Variants in PRKG2 observed in about 807,000 individuals in gnomAD.
PRKG2 encodes cGMP-dependent protein kinase 2.
In PRKG2, 33 loss-of-function variants were observed where a neutral mutation model predicts 97.2. That is an observed-to-expected ratio of 0.34 (90% CI 0.26 to 0.45). The LOEUF is 0.45. Ranked by LOEUF, PRKG2 falls within the 20% of genes least tolerant of loss-of-function variation. The pLI is 1.00. For missense variants in PRKG2, 638 were observed against 900.0 expected, an observed-to-expected ratio of 0.71 and a Z score of 3.73; for synonymous variants, 330 against 321.8, an observed-to-expected ratio of 1.03 and a Z score of -0.27.
chr4:81,162,940 G>T (rs1019852480), intron 6 of PRKG2, among the ~76,000 whole-genome samples: 1 of 152,110 alleles, frequency 6.6e-6, no homozygotes, highest in African/African-American at 2.4e-5. Context: ...GTGCTGTTAG[G>T]CTGTTCTTCA....
chr4:81,194,945 T>C (rs1752861412), intron 2 of PRKG2, among the ~76,000 whole-genome samples: 3 of 150,730 alleles, frequency 2.0e-5, no homozygotes, highest in African/African-American at 7.4e-5. Flanking sequence ...TACGCACCTA[T>C]AATCCATATG....
intron 11 of PRKG2, 61 bp from the exon 12 acceptor site, chr4:81,140,730 C>G (rs750735105): frequency 1.5e-5 from 21 of 1,427,794 alleles, no homozygotes; most frequent in Non-Finnish European, 1.9e-5. Context: ...ACACACTAAT[C>G]AATGAGAGTT....
Position 81,144,212 on chromosome 4 carries a change from G to A in PRKG2, c.1253+20C>T. The A allele has an allele frequency of 6.3e-7, 1 of 1,579,408 alleles. No individual in the cohort carries two copies. Among genetic ancestry groups the A allele is most frequent in the Non-Finnish European group, 8.7e-7 (1 of 1,149,292 alleles). On this transcript the variant is annotated intron_variant, in intron 10 of 18. Coordinates refer to ENST00000264399, the MANE Select transcript of PRKG2 (RefSeq NM_006259.3). The stretch of plus-strand genomic sequence containing the variant: ...CTGCCAGAAGTCAGCTCCGGCTCAG[G>A]AAAACATTCCTCCACTTACTTCGCA...
At chr4:81,175,539 C>T (rs1750847915) in intron 2 of PRKG2, 1 of 152,126 alleles carries the variant, frequency 6.6e-6, no homozygotes, top group Non-Finnish European at 1.5e-5. Flanking sequence ...CATTCCATCC[C>T]ATTGTCTCTT....
chr4:81,104,443 A>C lies in PRKG2; in HGVS notation c.2064-11T>G. 7.3e-7 allele frequency: 1 copy of C among 1,379,286 alleles called. No individual in the cohort carries two copies. Among genetic ancestry groups the C allele is most frequent in the Non-Finnish European group, 9.5e-7 (1 of 1,052,220 alleles). 85.4% of individuals were successfully genotyped at this position (1,379,286 alleles called of 1,614,324 possible). ...TCTGTTGGATTTTGCCTAAAACAAT[A>C]ATTTGTAAAAGGCAATTTATAATAA... On this transcript the variant is annotated splice_polypyrimidine_tract_variant and intron_variant, in intron 16 of 18. Transcript: ENST00000264399.
rs531902073 is a variant in PRKG2 at position 81,104,879 on chromosome 4, C to A, written c.2064-447G>T. On this transcript the variant is annotated intron_variant, in intron 16 of 18. Coordinates refer to ENST00000264399, the MANE Select transcript of PRKG2 (RefSeq NM_006259.3). Reference sequence around the variant, plus strand: ...TTTAAAAGTTCAAATAGGAAAAAAACAGCAAAATGAATTTTAAACAAAAAA... The same window carrying A: ...TTTAAAAGTTCAAATAGGAAAAAAAAAGCAAAATGAATTTTAAACAAAAAA... Among the ~76,000 whole-genome samples, 11 of 151,930 alleles carry A rather than the reference C, an allele frequency of 7.2e-5. No homozygotes were observed. In the East Asian group the frequency reaches 2.1e-3, roughly 29 times the overall value.
chr4:81,133,984 G>A (rs1746419768), intron 14 of PRKG2, among the ~76,000 whole-genome samples: 1 of 152,108 alleles, frequency 6.6e-6, no homozygotes, highest in Non-Finnish European at 1.5e-5. Context: ...GATGTAGGAG[G>A]CATAACCAAT....
chr4:81,126,266 C>G (rs1399413052), intron 14 of PRKG2, among the ~76,000 whole-genome samples: 3 of 152,168 alleles, frequency 2.0e-5, no homozygotes, highest in Non-Finnish European at 2.9e-5. Context: ...TTTTCTTTAT[C>G]TAGTCTATCA....
chr4:81,195,479 C>A (rs1263440405), intron 2 of PRKG2, among the ~76,000 whole-genome samples: 1 of 152,066 alleles, frequency 6.6e-6, no homozygotes, highest in African/African-American at 2.4e-5. Context: ...GTTTTACAAC[C>A]ATCACCACCA....
At chr4:81,165,282 A>G (rs747383538) in intron 6 of PRKG2, among the ~76,000 whole-genome samples, 1 of 152,200 alleles carries the variant, frequency 6.6e-6, no homozygotes, top group Non-Finnish European at 1.5e-5. Context: ...TTCAACAAAT[A>G]CATCAGATCA....
intron 15 of PRKG2, among the ~76,000 whole-genome samples, chr4:81,110,081 T>C (rs934069633): frequency 1.3e-5 from 2 of 152,212 alleles, no homozygotes; most frequent in Admixed American, 1.3e-4. Flanking sequence ...CTCAGATTGC[T>C]GTTTTCTCCA....
intron 9 of PRKG2, among the ~76,000 whole-genome samples, chr4:81,148,318 G>T (rs1015331262): frequency 5.3e-5 from 8 of 151,972 alleles, no homozygotes; most frequent in Non-Finnish European, 1.0e-4. Context: ...AAACCCAGGG[G>T]GGCAGATTCA....
chr4:81,176,831 C>CA, intron 2 of PRKG2, among the ~76,000 whole-genome samples: 1 of 151,910 alleles, frequency 6.6e-6, no homozygotes, highest in Non-Finnish European at 1.5e-5. Context: ...GGTTTAACTT[C>CA]ATTCATTCAA....
At chr4:81,104,640 A>C (rs2109968820) in intron 16 of PRKG2, among the ~76,000 whole-genome samples, 1 of 152,054 alleles carries the variant, frequency 6.6e-6, no homozygotes. Flanking sequence ...GAGGAGCCAC[A>C]GTTAAATTAG....
rs143545592 is a variant in PRKG2, at chr4:81,112,725, C to T, written c.1777-2114G>A. Among the ~76,000 whole-genome samples the T allele has an allele frequency of 2.9e-3, 436 of 152,276 alleles. 1 individual carries two copies. The highest frequency in any genetic ancestry group is 9.8e-3 in the African/African-American group (406 of 41,550). On this transcript the variant is annotated intron_variant, in intron 14 of 18. Coordinates refer to ENST00000264399, the MANE Select transcript of PRKG2 (RefSeq NM_006259.3). Reference sequence around the variant, plus strand: ...ACTTTGGTCTAATCCATTTCGTCAGCGGAAACTGGACACTCAGACCTATTT... The same window carrying T: ...ACTTTGGTCTAATCCATTTCGTCAGTGGAAACTGGACACTCAGACCTATTT...
intron 14 of PRKG2, among the ~76,000 whole-genome samples, chr4:81,118,288 T>A (rs551733242): frequency 2.4e-4 from 37 of 152,238 alleles, no homozygotes; most frequent in Non-Finnish European, 4.4e-4. Flanking sequence ...TGACTAAAGC[T>A]GCTATAAACT....
chr4:81,192,212 A>G (rs1056268294), intron 2 of PRKG2: 4 of 152,144 alleles, frequency 2.6e-5, no homozygotes, highest in African/African-American at 9.7e-5. Context: ...TAGAGTACAC[A>G]CTCCGTACTT....
At chr4:81,133,949 A>G (rs1746418093) in intron 14 of PRKG2, among the ~76,000 whole-genome samples, 1 of 152,188 alleles carries the variant, frequency 6.6e-6, no homozygotes, top group East Asian at 1.9e-4. Flanking sequence ...TACTTTTACA[A>G]TATTCCAAAG....
intron 1 of PRKG2, among the ~76,000 whole-genome samples, chr4:81,211,948 A>T (rs1407299104): frequency 2.6e-5 from 4 of 152,198 alleles, no homozygotes; most frequent in Admixed American, 2.0e-4. Flanking sequence ...TGGATAGGAA[A>T]CTGATACATT....
Sources: allele counts gnomAD v4.1 joint callset (sites outside exome capture counted in the v4.1 genomes callset), GRCh38; gene constraint gnomAD v4.1.1; transcripts MANE v1.5; gene names NCBI Gene and HGNC (gene_info 2026-07-23, HGNC 2026-07-21).